Variants in SORCS1 observed in about 807,000 individuals in gnomAD.
SORCS1 encodes the protein VPS10 domain-containing receptor SorCS1.
A neutral mutation model predicts 146.1 loss-of-function variants in SORCS1; 60 were observed. The observed-to-expected ratio is 0.41, with a 90% CI of 0.33 to 0.51. The LOEUF (loss-of-function observed/expected upper bound fraction) is 0.51. SORCS1 is among the 20% of genes least tolerant of loss of function. The pLI is 0.21. For missense variants in SORCS1, 1,352 were observed against 1,487.6 expected (o/e 0.91, Z 1.50); for synonymous variants, 637 against 584.0 (o/e 1.09, Z -1.31).
intron 2 of SORCS1, among the ~76,000 whole-genome samples, chr10:106,831,206 A>AAAAT (rs954699876): frequency 1.3e-5 from 2 of 152,206 alleles, no homozygotes; most frequent in East Asian, 3.9e-4. Context: ...CATCTCAAAA[A>AAAAT]AAATAAATAA....
chr10:107,159,494 C>T (rs922596296), intron 1 of SORCS1, among the ~76,000 whole-genome samples: 3 of 152,108 alleles, frequency 2.0e-5, no homozygotes, highest in Non-Finnish European at 2.9e-5. Context: ...AATCTTTCTT[C>T]CCATGAGTAA....
chr10:106,703,614 A>G (rs1283664667), intron 8 of SORCS1, among the ~76,000 whole-genome samples: 3 of 152,146 alleles, frequency 2.0e-5, no homozygotes, highest in Non-Finnish European at 2.9e-5. Context: ...GGTGACTATG[A>G]TCTTTCAGGA....
intron 2 of SORCS1, among the ~76,000 whole-genome samples, chr10:106,887,360 A>G (rs1022750489): frequency 2.0e-5 from 3 of 152,226 alleles, no homozygotes; most frequent in Non-Finnish European, 4.4e-5. Context: ...AGAAATCAAG[A>G]TGGCAAAATC....
intron 2 of SORCS1, among the ~76,000 whole-genome samples, chr10:106,945,381 T>C (rs1391287154): frequency 1.3e-5 from 2 of 152,180 alleles, no homozygotes; most frequent in African/African-American, 2.4e-5. Context: ...TATACTCAAA[T>C]AGCACTTAAT....
chr10:106,642,499 T>C (rs375199002), intron 18 of SORCS1, among the ~76,000 whole-genome samples: 32 of 152,230 alleles, frequency 2.1e-4, no homozygotes, highest in South Asian at 1.2e-3. Flanking sequence ...TCAAAGTAAA[T>C]TCAGAAGGAT....
chr10:107,125,158 G>T (rs1367737584), intron 1 of SORCS1, among the ~76,000 whole-genome samples: 1 of 151,790 alleles, frequency 6.6e-6, no homozygotes, highest in African/African-American at 2.4e-5. Context: ...TCACCATGTT[G>T]GCCAGGATGG....
In SORCS1 at chr10:106,737,353, T is replaced by C. The variant is rs551456680; in HGVS notation, c.960-7239A>G. 3.3e-5 allele frequency among the ~76,000 whole-genome samples: 5 copies of C among 152,298 alleles called. No individual in the cohort carries two copies. In the East Asian group the frequency reaches 7.7e-4, roughly 24 times the overall value. The stretch of plus-strand genomic sequence containing the variant: ...TAATTTAATGACTTTGCTTTTTCCA[T>C]CAGTGTTTGCATTTTTCTGTTTCCT... On this transcript the variant is annotated intron_variant, in intron 5 of 25. Coordinates refer to ENST00000263054, the MANE Select transcript of SORCS1 (RefSeq NM_052918.5).
chr10:106,945,625 T>G (rs1166578102), intron 2 of SORCS1, among the ~76,000 whole-genome samples: 1 of 152,226 alleles, frequency 6.6e-6, no homozygotes, highest in Non-Finnish European at 1.5e-5. Flanking sequence ...ATAACCAGGT[T>G]TGATATCAGA....
chr10:106,995,608 G>C (rs562222063), intron 1 of SORCS1, among the ~76,000 whole-genome samples: 3 of 152,112 alleles, frequency 2.0e-5, no homozygotes, highest in African/African-American at 7.2e-5. Flanking sequence ...AAAGTTATCC[G>C]AAGTGTTGCT....
intron 1 of SORCS1, among the ~76,000 whole-genome samples, chr10:106,974,281 G>C (rs1955905577): frequency 6.6e-6 from 1 of 152,172 alleles, no homozygotes; most frequent in Non-Finnish European, 1.5e-5. Context: ...TATTATGATA[G>C]AAGTGTATGC....
chr10:106,816,482 A>AG (rs1179869986), intron 3 of SORCS1, among the ~76,000 whole-genome samples: 1 of 152,196 alleles, frequency 6.6e-6, no homozygotes, highest in Non-Finnish European at 1.5e-5. Flanking sequence ...CATAGAGCAT[A>AG]CCCAGCTATG....
At chr10:107,048,723 C>A (rs1590018096) in intron 1 of SORCS1, among the ~76,000 whole-genome samples, 6 of 152,174 alleles carry the variant, frequency 3.9e-5, no homozygotes, top group Admixed American at 2.0e-4. Context: ...TAGGTGACAC[C>A]ATTTTTTGGA....
At chr10:106,788,451 A>C (rs2136485380) in intron 3 of SORCS1, among the ~76,000 whole-genome samples, 1 of 152,344 alleles carries the variant, frequency 6.6e-6, no homozygotes, top group South Asian at 2.1e-4. Flanking sequence ...TTGTAAAATC[A>C]AAAGCAAGTT....
At chr10:106,980,606 T>C (rs1479028885) in intron 1 of SORCS1, among the ~76,000 whole-genome samples, 1 of 152,170 alleles carries the variant, frequency 6.6e-6, no homozygotes. Context: ...CTTAGAAATT[T>C]TTCTGCCACT....
chr10:106,760,634 C>A (rs1283185856), intron 5 of SORCS1, among the ~76,000 whole-genome samples: 1 of 151,626 alleles, frequency 6.6e-6, no homozygotes, highest in East Asian at 1.9e-4. Context: ...GTTGTTTAAG[C>A]CACCCAGTCT....
chr10:106,596,375 T>C (rs568196093), intron 24 of SORCS1, among the ~76,000 whole-genome samples: 1 of 152,360 alleles, frequency 6.6e-6, no homozygotes, highest in East Asian at 1.9e-4. Context: ...AAGTACTCAA[T>C]AAATATTGTT....
chr10:106,590,808 C>A (rs1258965440), intron 24 of SORCS1, among the ~76,000 whole-genome samples: 2 of 152,132 alleles, frequency 1.3e-5, no homozygotes, highest in Non-Finnish European at 2.9e-5. Flanking sequence ...GTGCACGCCA[C>A]CATGCCTGGC....
At chr10:106,685,373 C>T (rs933948359) in intron 10 of SORCS1, among the ~76,000 whole-genome samples, 2 of 152,078 alleles carry the variant, frequency 1.3e-5, no homozygotes, top group Admixed American at 6.5e-5. Context: ...TCCCTAGGTT[C>T]ATGAAGCCCA....
At chr10:106,730,550 C>G (rs1856522138) in intron 5 of SORCS1, among the ~76,000 whole-genome samples, 1 of 152,202 alleles carries the variant, frequency 6.6e-6, no homozygotes, top group Non-Finnish European at 1.5e-5. Context: ...CCACCTACGA[C>G]TGCCCTATGA....
Sources: allele counts gnomAD v4.1 joint callset (sites outside exome capture counted in the v4.1 genomes callset), GRCh38; gene constraint gnomAD v4.1.1; transcripts MANE v1.5; gene names NCBI Gene and HGNC (gene_info 2026-07-23, HGNC 2026-07-21).